The following MAGI1 variants were observed in gnomAD, a reference collection of about 807,000 sequenced individuals.
MAGI1 encodes membrane-associated guanylate kinase, WW and PDZ domain-containing protein 1.
In MAGI1, 58 loss-of-function variants were observed where a neutral mutation model predicts 139.9. That is an observed-to-expected ratio of 0.41 (90% CI 0.34 to 0.52). The LOEUF (loss-of-function observed/expected upper bound fraction) is 0.52, where lower values mean the gene tolerates loss of function less well. Ranked by LOEUF, MAGI1 falls within the 20% of genes least tolerant of loss-of-function variation. The pLI is 0.12. For missense variants in MAGI1, 1,874 were observed against 1,901.6 expected, an observed-to-expected ratio of 0.99 and a Z score of 0.27; for synonymous variants, 812 against 737.9, an observed-to-expected ratio of 1.10 and a Z score of -1.63.
chr3:65,715,097 T>G (rs184053525), intron 1 of MAGI1, among the ~76,000 whole-genome samples: 1 of 152,172 alleles, frequency 6.6e-6, no homozygotes. Context: ...AAATGTGGTG[T>G]AGTATACAGA....
chr3:65,966,999 C>T (rs1283488691), intron 1 of MAGI1, among the ~76,000 whole-genome samples: 4 of 152,246 alleles, frequency 2.6e-5, no homozygotes, highest in South Asian at 2.1e-4. Flanking sequence ...AGCACTACCG[C>T]GATTTCCATT....
chr3:65,541,700 A>C (rs575841881), intron 2 of MAGI1, among the ~76,000 whole-genome samples: 2 of 152,234 alleles, frequency 1.3e-5, no homozygotes, highest in East Asian at 1.9e-4. Context: ...TGCAGAAAAG[A>C]CCTTTGATAA....
At chr3:65,491,545 C>G (rs191494701) in intron 3 of MAGI1, among the ~76,000 whole-genome samples, 2,044 of 152,232 alleles carry the variant, frequency 0.013, 27 homozygotes, top group Non-Finnish European at 0.019. Context: ...TGAAGCCCCC[C>G]AGATGGGCAT....
intron 1 of MAGI1, among the ~76,000 whole-genome samples, chr3:65,659,600 C>T (rs991367461): frequency 4.6e-5 from 7 of 152,148 alleles, no homozygotes; most frequent in Non-Finnish European, 1.0e-4. Context: ...TAAAGAAACC[C>T]ATAAAGATGG....
At chr3:65,699,966 G>C (rs555499255) in intron 1 of MAGI1, among the ~76,000 whole-genome samples, 3 of 151,112 alleles carry the variant, frequency 2.0e-5, no homozygotes, top group Non-Finnish European at 2.9e-5. Flanking sequence ...AACTCTGAAG[G>C]TAGGGCCCCA....
At chr3:65,901,237 G>T (rs1267488668) in intron 1 of MAGI1, among the ~76,000 whole-genome samples, 1 of 152,144 alleles carries the variant, frequency 6.6e-6, no homozygotes, top group African/African-American at 2.4e-5. Context: ...CCACACAAAA[G>T]GAAGAGCAAA....
At chr3:66,008,598 T>G (rs1372246904) in intron 1 of MAGI1, among the ~76,000 whole-genome samples, 1 of 152,168 alleles carries the variant, frequency 6.6e-6, no homozygotes, top group African/African-American at 2.4e-5. Flanking sequence ...AGTGGTCTTA[T>G]GAGAGCATTA....
chr3:65,855,146 A>G (rs2059331066), intron 1 of MAGI1, among the ~76,000 whole-genome samples: 3 of 152,114 alleles, frequency 2.0e-5, no homozygotes, highest in African/African-American at 7.2e-5. Flanking sequence ...TGAAGCACTT[A>G]GCACCCTAAC....
At chr3:65,864,661 T>C (rs902151667) in intron 1 of MAGI1, among the ~76,000 whole-genome samples, 1 of 152,142 alleles carries the variant, frequency 6.6e-6, no homozygotes, top group African/African-American at 2.4e-5. Context: ...AGGTGAAGAA[T>C]GGAGTGGGGA....
intron 1 of MAGI1, among the ~76,000 whole-genome samples, chr3:65,863,710 T>C (rs183409563): frequency 1.8e-4 from 27 of 152,268 alleles, no homozygotes; most frequent in Admixed American, 1.2e-3. Context: ...TCCATCAAAA[T>C]GGATAAAATA....
chr3:65,557,318 A>G (rs557071365), intron 2 of MAGI1, among the ~76,000 whole-genome samples: 1 of 152,330 alleles, frequency 6.6e-6, no homozygotes, highest in Admixed American at 6.5e-5. Context: ...ACCACGTGGT[A>G]AGAGCCACAC....
chr3:65,702,066 G>A (rs6783171), intron 1 of MAGI1, among the ~76,000 whole-genome samples: 21,257 of 152,030 alleles, frequency 0.14, 1,539 homozygotes, highest in South Asian at 0.23. Flanking sequence ...CAGCACTCTA[G>A]ATGGAACATT....
intron 1 of MAGI1, among the ~76,000 whole-genome samples, chr3:65,705,139 T>A (rs2029953787): frequency 6.6e-6 from 1 of 152,032 alleles, no homozygotes; most frequent in Admixed American, 6.6e-5. Context: ...TGGTTTTAAG[T>A]CAAACTAAGT....
Position 65,908,305 on chromosome 3 carries a change from T to TGG in MAGI1, c.313+129690_313+129691insCC, listed in dbSNP as rs1310406459. ...CAATACTGTCCACAATAATCCTTAA[T>TGG]TTTTTTTTTTTTAATCGAGACAGAG... On this transcript the variant is annotated intron_variant, in intron 1 of 22. Coordinates refer to ENST00000402939, the MANE Select transcript of MAGI1 (RefSeq NM_001033057.2). Among the ~76,000 whole-genome samples, 59 of 145,940 alleles carry TGG rather than the reference T, an allele frequency of 4.0e-4. 1 individual carries two copies. The highest frequency in any genetic ancestry group is 5.3e-4 in the Non-Finnish European group (35 of 65,952).
chr3:65,813,778 G>A (rs763863700), intron 1 of MAGI1, among the ~76,000 whole-genome samples: 1 of 152,190 alleles, frequency 6.6e-6, no homozygotes, highest in Non-Finnish European at 1.5e-5. Flanking sequence ...GGAGATAATG[G>A]TGCCAATCTA....
At chr3:65,809,374 A>G (rs932250271) in intron 1 of MAGI1, among the ~76,000 whole-genome samples, 2 of 152,184 alleles carry the variant, frequency 1.3e-5, no homozygotes, top group Admixed American at 1.3e-4. Flanking sequence ...ACTTTATGTA[A>G]AACTTTATCA....
chr3:65,387,108 A>T (rs554121877), intron 14 of MAGI1: 15 of 1,569,020 alleles, frequency 9.6e-6, no homozygotes, highest in Admixed American at 6.7e-5. Flanking sequence ...AGATGAATGA[A>T]AACGGAGAGA....
intron 1 of MAGI1, among the ~76,000 whole-genome samples, chr3:65,869,898 G>T (rs2059879079): frequency 6.6e-6 from 1 of 152,140 alleles, no homozygotes; most frequent in Non-Finnish European, 1.5e-5. Context: ...CACATGTGCA[G>T]CACGTGGCCC....
intron 1 of MAGI1, among the ~76,000 whole-genome samples, chr3:65,746,828 A>G (rs1210646131): frequency 6.6e-6 from 1 of 152,214 alleles, no homozygotes; most frequent in African/African-American, 2.4e-5. Context: ...GTATATTCAG[A>G]GCATTTCTCT....
Sources: allele counts gnomAD v4.1 joint callset (sites outside exome capture counted in the v4.1 genomes callset), GRCh38; gene constraint gnomAD v4.1.1; transcripts MANE v1.5; gene names NCBI Gene and HGNC (gene_info 2026-07-23, HGNC 2026-07-21).